Variants in ARHGAP26 observed in about 807,000 individuals in gnomAD.
ARHGAP26 encodes rho GTPase-activating protein 26.
ARHGAP26 carries 38 observed loss-of-function variants against 104.8 expected under a neutral mutation model. The ratio of observed to expected loss-of-function variants is 0.36; its 90% CI spans 0.28 to 0.48. The LOEUF is 0.48. Among genes scored for constraint, ARHGAP26 ranks in the 20% least tolerant of loss-of-function variants. The pLI, the probability that ARHGAP26 is intolerant of heterozygous loss-of-function variation, is 0.99. For synonymous variants in ARHGAP26, 341 were observed against 340.0 expected (o/e 1.00, Z -0.03); for missense variants, 704 against 947.9 (o/e 0.74, Z 3.38).
At chr5:142,911,146 ACT>A (rs967314840) in intron 9 of ARHGAP26, among the ~76,000 whole-genome samples, 3 of 151,976 alleles carry the variant, frequency 2.0e-5, no homozygotes, top group African/African-American at 7.2e-5. Context: ...TGCATCCTAC[ACT>A]CTGACCTGAG....
At chr5:143,008,444 C>T (rs1778287424) in intron 11 of ARHGAP26, among the ~76,000 whole-genome samples, 1 of 152,134 alleles carries the variant, frequency 6.6e-6, no homozygotes, top group African/African-American at 2.4e-5. Context: ...GTAGAACCAG[C>T]CTGTTGTTTT....
chr5:143,196,967 A>T (rs1454992070), intron 20 of ARHGAP26, among the ~76,000 whole-genome samples: 1 of 152,192 alleles, frequency 6.6e-6, no homozygotes. Context: ...ATGAGGATAG[A>T]CTGTATATAT....
intron 22 of ARHGAP26, among the ~76,000 whole-genome samples, chr5:143,217,437 T>A (rs11951777): frequency 0.019 from 2,825 of 152,302 alleles, 98 homozygotes; most frequent in African/African-American, 0.064. Flanking sequence ...GAGAAATAGC[T>A]CATATTCTCA....
chr5:142,971,053 G>C (rs1192056476), intron 11 of ARHGAP26, among the ~76,000 whole-genome samples: 1 of 152,134 alleles, frequency 6.6e-6, no homozygotes, highest in African/African-American at 2.4e-5. Flanking sequence ...TTGGAGGTTT[G>C]AGTTTAAGTA....
chr5:143,006,418 C>G (rs1435326631), intron 11 of ARHGAP26, among the ~76,000 whole-genome samples: 1 of 151,656 alleles, frequency 6.6e-6, no homozygotes, highest in African/African-American at 2.4e-5. Flanking sequence ...GTTACTGAAC[C>G]CCCTTTATGT....
intron 20 of ARHGAP26, among the ~76,000 whole-genome samples, chr5:143,151,911 G>A (rs1288393684): frequency 9.9e-5 from 15 of 152,090 alleles, no homozygotes; most frequent in African/African-American, 1.9e-4. Flanking sequence ...AGCTGAGATC[G>A]TGCCACCGCA....
At chr5:143,071,294 C>T (rs1370663135) in intron 17 of ARHGAP26, among the ~76,000 whole-genome samples, 2 of 152,042 alleles carry the variant, frequency 1.3e-5, no homozygotes, top group African/African-American at 4.8e-5. Flanking sequence ...ACCAATGGAA[C>T]AGAATAGAGA....
intron 21 of ARHGAP26, among the ~76,000 whole-genome samples, chr5:143,211,666 A>G (rs1435237045): frequency 6.6e-6 from 1 of 151,648 alleles, no homozygotes; most frequent in Admixed American, 6.6e-5. Context: ...TCCTGGGCTC[A>G]AGCAATCCTC....
intron 12 of ARHGAP26, among the ~76,000 whole-genome samples, chr5:143,031,588 T>TA (rs1334466465): frequency 6.6e-6 from 1 of 151,434 alleles, no homozygotes; most frequent in Non-Finnish European, 1.5e-5. Flanking sequence ...TTTTTTTTTT[T>TA]AATAGCTGGG....
rs141114086 is a variant in ARHGAP26 at position 142,871,115 on chromosome 5, A to G, written c.155-2285A>G. 1.3e-3 allele frequency among the ~76,000 whole-genome samples: 202 copies of G among 152,258 alleles called. No individual in the cohort carries two copies. The highest frequency in any genetic ancestry group is 0.01 in the Middle Eastern group (3 of 294). ...ACCAGCAGTCATTACCTAATCGTCT[A>G]TCGGGGGATCGGCCTGTCCTTCAGC... On this transcript the variant is annotated intron_variant, in intron 1 of 22. Coordinates refer to ENST00000645722, the MANE Select transcript of ARHGAP26 (RefSeq NM_001135608.3). This position sits in a 1 kb window ranked among gnomAD's most constrained non-coding sequence, Gnocchi z 4.1.
chr5:142,950,653 C>T (rs982914601), intron 11 of ARHGAP26, among the ~76,000 whole-genome samples: 4 of 152,196 alleles, frequency 2.6e-5, no homozygotes, highest in Admixed American at 2.6e-4. Context: ...AAGTCAACCT[C>T]AAGGTCATAA....
chr5:143,105,022 A>G (rs899759610), intron 17 of ARHGAP26, among the ~76,000 whole-genome samples: 2 of 152,228 alleles, frequency 1.3e-5, no homozygotes, highest in South Asian at 2.1e-4. Context: ...GAAAACATGT[A>G]TCTTTTTTTC....
chr5:142,996,866 A>C (rs896352933), intron 11 of ARHGAP26, among the ~76,000 whole-genome samples: 1 of 152,140 alleles, frequency 6.6e-6, no homozygotes, highest in Non-Finnish European at 1.5e-5. Context: ...ATAGAAAGAG[A>C]GAGAGAGAGA....
intron 1 of ARHGAP26, 191 bp downstream of exon 1, chr5:142,771,106 C>G: frequency 3.0e-6 from 4 of 1,320,372 alleles, no homozygotes; most frequent in Non-Finnish European, 3.9e-6. Context: ...AAGAGAGAGA[C>G]CCGTCGCTCC....
In ARHGAP26 at chr5:142,793,106, G is replaced by A. The variant is rs192902489; in HGVS notation, c.154+22191G>A. ...ACTCCTGCCCTCGAGTAGTGGGACC[G>A]CAAACAGTACATGGTGCATGACCTG... On this transcript the variant is annotated intron_variant, in intron 1 of 22. Coordinates refer to ENST00000645722, the MANE Select transcript of ARHGAP26 (RefSeq NM_001135608.3). Among the ~76,000 whole-genome samples, 260 of 152,130 alleles carry A rather than the reference G, an allele frequency of 1.7e-3. 3 individuals carry two copies. Among genetic ancestry groups the A allele is most frequent in the African/African-American group, 5.3e-3 (221 of 41,476 alleles).
chr5:143,078,452 C>T (rs558190735), intron 17 of ARHGAP26, among the ~76,000 whole-genome samples: 1 of 152,130 alleles, frequency 6.6e-6, no homozygotes, highest in East Asian at 1.9e-4. Flanking sequence ...TTTATTCCCT[C>T]GGCTGTGGAC....
chr5:143,078,094 C>T (rs1789292462), intron 17 of ARHGAP26, among the ~76,000 whole-genome samples: 1 of 152,214 alleles, frequency 6.6e-6, no homozygotes, highest in Admixed American at 6.5e-5. Context: ...AGGAAGCTAG[C>T]AGGCTAGTCA....
chr5:143,053,044 A>G (rs926352225), intron 14 of ARHGAP26, among the ~76,000 whole-genome samples: 1 of 152,216 alleles, frequency 6.6e-6, no homozygotes, highest in African/African-American at 2.4e-5. Context: ...AAGGAGAGGC[A>G]AATACAAGGG....
chr5:142,933,561 T>A (rs150244439), intron 11 of ARHGAP26, among the ~76,000 whole-genome samples: 80 of 152,196 alleles, frequency 5.3e-4, no homozygotes, highest in Non-Finnish European at 8.8e-4. Context: ...CCTAGTAGGG[T>A]CATTCTGCTA....
Sources: allele counts gnomAD v4.1 joint callset (sites outside exome capture counted in the v4.1 genomes callset), GRCh38; gene constraint gnomAD v4.1.1; non-coding constraint Gnocchi (gnomAD v3.1); transcripts MANE v1.5; gene names NCBI Gene and HGNC (gene_info 2026-07-23, HGNC 2026-07-21).